Variants in HECW2 observed in about 807,000 individuals in gnomAD.
HECW2 encodes HECT, C2 and WW domain containing E3 ubiquitin protein ligase 2.
Under a neutral mutation model 175.2 loss-of-function variants are expected in HECW2, and 61 were observed. The ratio of observed to expected loss-of-function variants is 0.35; its 90% CI spans 0.28 to 0.43. HECW2 has a LOEUF of 0.43. Among genes scored for constraint, HECW2 ranks in the 20% least tolerant of loss-of-function variants. HECW2 has a pLI of 1.00. For missense variants in HECW2, 1,524 were observed against 2,000.5 expected, an observed-to-expected ratio of 0.76 and a Z score of 4.54; for synonymous variants, 671 against 731.0, an observed-to-expected ratio of 0.92 and a Z score of 1.32.
chr2:196,333,781 G>C (rs1198362553), intron 4 of HECW2, among the ~76,000 whole-genome samples: 2 of 152,290 alleles, frequency 1.3e-5, no homozygotes, highest in East Asian at 3.9e-4. Flanking sequence ...TCTTTCAAAA[G>C]TCCAACACAA....
chr2:196,404,977 A>G (rs1460014485), intron 2 of HECW2, among the ~76,000 whole-genome samples: 1 of 133,204 alleles, frequency 7.5e-6, no homozygotes, highest in Non-Finnish European at 1.6e-5. Flanking sequence ...GGTGTCCGCC[A>G]CCACTCCCGG....
chr2:196,415,962 A>G (rs1695244711), intron 2 of HECW2, among the ~76,000 whole-genome samples: 1 of 152,194 alleles, frequency 6.6e-6, no homozygotes, highest in Non-Finnish European at 1.5e-5. Context: ...GTTTTACTAC[A>G]TAGTAGGGAT....
intron 1 of HECW2, among the ~76,000 whole-genome samples, chr2:196,513,715 C>T (rs1688042211): frequency 6.6e-6 from 1 of 152,054 alleles, no homozygotes; most frequent in Non-Finnish European, 1.5e-5. Flanking sequence ...TCCAATAGTC[C>T]TGGTATATAA....
Position 196,196,036 on chromosome 2 carries a change from G to C in HECW2, c.*5241C>G, listed in dbSNP as rs149545585. 1.3e-5 allele frequency: 2 copies of C among 151,938 alleles called. No individual in the cohort carries two copies. The highest frequency in any genetic ancestry group is 2.9e-5 in the Non-Finnish European group (2 of 68,014). 9.4% of individuals were successfully genotyped at this position (151,938 alleles called of 1,614,324 possible). Reference sequence around the variant, plus strand: ...CAAGCCCTAAGATGATCCATCTACCGTTGTTTTAACTTTCCCTCCACTACA... The same window carrying C: ...CAAGCCCTAAGATGATCCATCTACCCTTGTTTTAACTTTCCCTCCACTACA... On this transcript the variant is annotated 3_prime_UTR_variant, in exon 29 of 29. Transcript: ENST00000644978.
chr2:196,523,765 T>C (rs1268895869), intron 1 of HECW2, among the ~76,000 whole-genome samples: 1 of 151,204 alleles, frequency 6.6e-6, no homozygotes, highest in Non-Finnish European at 1.5e-5. Context: ...TCTGTTTATA[T>C]GCTGGATTAC....
At chr2:196,258,743 T>C (rs1198529515) in intron 17 of HECW2, among the ~76,000 whole-genome samples, 1 of 152,198 alleles carries the variant, frequency 6.6e-6, no homozygotes, top group Non-Finnish European at 1.5e-5. Flanking sequence ...TTTTATAAGA[T>C]GAAGAAAAAT....
intron 1 of HECW2, among the ~76,000 whole-genome samples, chr2:196,451,894 G>A (rs145320660): frequency 1.3e-5 from 2 of 152,266 alleles, no homozygotes; most frequent in East Asian, 1.9e-4. Context: ...GCAAGACATC[G>A]TCTCAATAAG....
At chr2:196,408,712 A>C (rs1314762179) in intron 2 of HECW2, among the ~76,000 whole-genome samples, 1 of 152,256 alleles carries the variant, frequency 6.6e-6, no homozygotes, top group Non-Finnish European at 1.5e-5. Flanking sequence ...AAAATGCTTT[A>C]GAAACAAAGG....
Position 196,278,518 on chromosome 2 carries a change from C to T in HECW2, c.3135+10G>A, listed in dbSNP as rs751874522. Reference sequence around the variant, plus strand: ...AACCAACAGGTCAGTCCCCAAAACGCATGACTCACCTCACCCGCACTGTGG... The same window carrying T: ...AACCAACAGGTCAGTCCCCAAAACGTATGACTCACCTCACCCGCACTGTGG... On this transcript the variant is annotated intron_variant, in intron 15 of 28. Transcript: ENST00000644978. 6.2e-7 allele frequency: 1 copy of T among 1,612,928 alleles called. No homozygotes were observed. Among genetic ancestry groups the T allele is most frequent in the South Asian group, 1.1e-5 (1 of 90,968 alleles).
intron 21 of HECW2, among the ~76,000 whole-genome samples, chr2:196,233,727 G>A (rs565622598): frequency 6.6e-6 from 1 of 152,244 alleles, no homozygotes; most frequent in Non-Finnish European, 1.5e-5. Flanking sequence ...GGGTAATTTA[G>A]GTTATCCTGT....
chr2:196,244,539 A>G (rs1688577427), intron 19 of HECW2, among the ~76,000 whole-genome samples: 1 of 152,162 alleles, frequency 6.6e-6, no homozygotes, highest in Non-Finnish European at 1.5e-5. Context: ...GCAGCCACTC[A>G]ATGACATGGC....
intron 2 of HECW2, among the ~76,000 whole-genome samples, chr2:196,412,145 A>G (rs767451387): frequency 1.3e-5 from 2 of 152,216 alleles, no homozygotes; most frequent in South Asian, 4.1e-4. Flanking sequence ...TGCCGTGATA[A>G]ATTACCACAA....
At chr2:196,336,442 C>A (rs1231225265) in intron 3 of HECW2, among the ~76,000 whole-genome samples, 2 of 152,146 alleles carry the variant, frequency 1.3e-5, no homozygotes, top group Non-Finnish European at 1.5e-5. Flanking sequence ...ACTCTTCATG[C>A]TGGGGAAGCA....
intron 2 of HECW2, among the ~76,000 whole-genome samples, chr2:196,422,239 G>A (rs757078789): frequency 6.6e-6 from 1 of 152,150 alleles, no homozygotes; most frequent in Non-Finnish European, 1.5e-5. Flanking sequence ...TTGTTAGCAA[G>A]ACATTCTACT....
intron 25 of HECW2, 122 bp from the exon 26 acceptor site, chr2:196,220,275 C>G (rs1687618723): frequency 9.1e-6 from 6 of 660,636 alleles, no homozygotes; most frequent in Non-Finnish European, 1.6e-5. Flanking sequence ...CTTGTGTTGG[C>G]ACTTGAAAAC....
intron 1 of HECW2, among the ~76,000 whole-genome samples, chr2:196,563,848 G>A (rs1192000942): frequency 6.6e-6 from 1 of 152,246 alleles, no homozygotes; most frequent in South Asian, 2.1e-4. Flanking sequence ...TACAGAATTA[G>A]AACATAATCC....
intron 2 of HECW2, among the ~76,000 whole-genome samples, chr2:196,375,158 CAA>C (rs1407971130): frequency 2.2e-5 from 2 of 92,074 alleles, no homozygotes. Context: ...GACTCAGTCT[CAA>C]AAAAAAAAAA....
At chr2:196,258,239 C>T in intron 17 of HECW2, 1 of 247,720 alleles carries the variant, frequency 4.0e-6, no homozygotes, top group Non-Finnish European at 7.9e-6. Context: ...TGACTGTGGG[C>T]CTGAATTTTA....
intron 12 of HECW2, 74 bp from the exon 13 acceptor site, chr2:196,306,686 T>C: frequency 1.4e-6 from 2 of 1,422,516 alleles, no homozygotes; most frequent in Non-Finnish European, 1.9e-6. Flanking sequence ...CACTTCAGTC[T>C]GCATTTCAAA....
Sources: allele counts gnomAD v4.1 joint callset (sites outside exome capture counted in the v4.1 genomes callset), GRCh38; gene constraint gnomAD v4.1.1; transcripts MANE v1.5; gene names NCBI Gene and HGNC (gene_info 2026-07-23, HGNC 2026-07-21).